The following MEMO1 variants were observed in gnomAD, a reference collection of about 807,000 sequenced individuals.
MEMO1 encodes the protein protein MEMO1.
MEMO1 carries 6 observed loss-of-function variants against 45.2 expected under a neutral mutation model. The ratio of observed to expected loss-of-function variants is 0.13; its 90% CI spans 0.07 to 0.26. The LOEUF (loss-of-function observed/expected upper bound fraction) is 0.26, where lower values mean the gene tolerates loss of function less well. Among genes scored for constraint, MEMO1 ranks in the 10% least tolerant of loss-of-function variants. The pLI, the probability that MEMO1 is intolerant of heterozygous loss-of-function variation, is 1.00. For synonymous variants in MEMO1, 78 were observed against 124.3 expected, an observed-to-expected ratio of 0.63 and a Z score of 2.48; for missense variants, 184 against 370.5, an observed-to-expected ratio of 0.50 and a Z score of 4.13.
At chr2:31,900,103 AT>A (rs1199333757) in intron 6 of MEMO1, among the ~76,000 whole-genome samples, 5 of 152,332 alleles carry the variant, frequency 3.3e-5, no homozygotes, top group Non-Finnish European at 5.9e-5. Context: ...TAGTTCAACC[AT>A]TGCGGAAGAC....
chr2:31,971,692 G>A (rs973220514), intron 2 of MEMO1, among the ~76,000 whole-genome samples: 21 of 152,112 alleles, frequency 1.4e-4, no homozygotes, highest in African/African-American at 4.8e-4. Flanking sequence ...AACTAAGGCC[G>A]GGCAAGGTGG....
At chr2:31,926,464 T>C (rs537375236) in intron 4 of MEMO1, among the ~76,000 whole-genome samples, 11 of 151,882 alleles carry the variant, frequency 7.2e-5, no homozygotes, top group African/African-American at 2.4e-4. Context: ...CAAGTGAAAA[T>C]TGGACTTTCA....
intron 4 of MEMO1, among the ~76,000 whole-genome samples, chr2:31,928,308 C>A (rs1334447711): frequency 6.6e-5 from 10 of 152,078 alleles, no homozygotes; most frequent in Non-Finnish European, 1.5e-5. Flanking sequence ...TTTGGGAGGC[C>A]AAGGCAGGCA....
At chr2:31,964,114 C>T (rs1400841446) in intron 2 of MEMO1, among the ~76,000 whole-genome samples, 2 of 152,032 alleles carry the variant, frequency 1.3e-5, no homozygotes, top group Admixed American at 6.6e-5. Context: ...GACAGGAATA[C>T]TCTAAATCAA....
intron 2 of MEMO1, among the ~76,000 whole-genome samples, chr2:31,981,196 G>C (rs1214463361): frequency 2.0e-5 from 3 of 152,342 alleles, no homozygotes; most frequent in East Asian, 1.9e-4. Flanking sequence ...GGGCCCCACA[G>C]ACAGTTCTTA....
chr2:31,948,271 C>A (rs552980819), intron 2 of MEMO1, among the ~76,000 whole-genome samples: 1 of 152,208 alleles, frequency 6.6e-6, no homozygotes, highest in East Asian at 1.9e-4. Context: ...CACAAGGGAG[C>A]CTTCTAGTGT....
chr2:31,915,843 A>G (rs775044963), intron 6 of MEMO1, among the ~76,000 whole-genome samples: 7 of 152,188 alleles, frequency 4.6e-5, no homozygotes, highest in Non-Finnish European at 1.0e-4. Flanking sequence ...CTGTGATTTT[A>G]AGTCACAGTT....
chr2:31,923,845 T>C, intron 4 of MEMO1: 1 of 1,255,872 alleles, frequency 8.0e-7, no homozygotes, highest in Non-Finnish European at 1.1e-6. Flanking sequence ...AGCCAAAAGA[T>C]ACACTGCTCC....
intron 7 of MEMO1, among the ~76,000 whole-genome samples, chr2:31,887,046 A>G (rs1386561937): frequency 6.6e-6 from 1 of 152,198 alleles, no homozygotes; most frequent in Non-Finnish European, 1.5e-5. Flanking sequence ...CTTTGAGGGA[A>G]GGAGGGTAGC....
rs183702469 is a variant in MEMO1 at position 32,002,268 on chromosome 2, C to T, written c.61+7919G>A. Among the ~76,000 whole-genome samples, 506 of 137,370 alleles carry T rather than the reference C, an allele frequency of 3.7e-3. 9 individuals are homozygous for T. The highest frequency in any genetic ancestry group is 0.013 in the African/African-American group (474 of 35,174). The allele number at this position is 137,370 out of a possible 152,430, so 90.1% of individuals were successfully genotyped here. A position where few individuals can be genotyped will look rare whatever the true frequency, so the allele number is the denominator to read the frequency against. ...ACATATATACGTGTATATATACATACACATATATACATGTACATATATACA... is the reference window on the plus strand; with the variant it reads ...ACATATATACGTGTATATATACATATACATATATACATGTACATATATACA... On this transcript the variant is annotated intron_variant, in intron 2 of 9. Coordinates refer to ENST00000404530, the MANE Select transcript of MEMO1 (RefSeq NM_001301833.4).
chr2:31,919,589 CAG>C (rs1681964875), intron 5 of MEMO1, among the ~76,000 whole-genome samples: 1 of 152,052 alleles, frequency 6.6e-6, no homozygotes, highest in South Asian at 2.1e-4. Context: ...GAGGCCAAGA[CAG>C]GAGAATTGCT....
At chr2:31,919,806 G>C (rs963290563) in intron 5 of MEMO1, among the ~76,000 whole-genome samples, 1 of 152,024 alleles carries the variant, frequency 6.6e-6, no homozygotes, top group African/African-American at 2.4e-5. Context: ...CTGGGCAACG[G>C]AGTGAGACCC....
At chr2:31,970,343 G>A (rs373216802) in intron 2 of MEMO1, among the ~76,000 whole-genome samples, 17 of 152,184 alleles carry the variant, frequency 1.1e-4, no homozygotes, top group Non-Finnish European at 1.9e-4. Flanking sequence ...ACAATTTTAC[G>A]TTTGCTACAG....
chr2:31,924,585 A>G (rs1168011116), intron 4 of MEMO1, among the ~76,000 whole-genome samples: 1 of 152,164 alleles, frequency 6.6e-6, no homozygotes, highest in Non-Finnish European at 1.5e-5. Flanking sequence ...TGTGCACCCA[A>G]TGTATAAGCT....
At chr2:31,938,132 G>T (rs888482188) in intron 3 of MEMO1, among the ~76,000 whole-genome samples, 3 of 152,222 alleles carry the variant, frequency 2.0e-5, no homozygotes, top group African/African-American at 7.2e-5. Context: ...ATGTCACACA[G>T]ATTAGAATTC....
chr2:32,009,431 T>A (rs1477439402), intron 2 of MEMO1, among the ~76,000 whole-genome samples: 1 of 138,178 alleles, frequency 7.2e-6, no homozygotes, highest in Admixed American at 7.4e-5. Context: ...AAGTGACAAA[T>A]CCCTGAAAGG....
At chr2:31,925,519 T>C (rs1682976100) in intron 4 of MEMO1, among the ~76,000 whole-genome samples, 1 of 146,578 alleles carries the variant, frequency 6.8e-6, no homozygotes, top group Non-Finnish European at 1.5e-5. Flanking sequence ...GGAGATACTT[T>C]CCCCAATACC....
At chr2:31,914,137 A>T (rs1681057972) in intron 6 of MEMO1, among the ~76,000 whole-genome samples, 1 of 152,224 alleles carries the variant, frequency 6.6e-6, no homozygotes, top group Non-Finnish European at 1.5e-5. Flanking sequence ...CCACGGCCCC[A>T]GAGAGGAAGC....
intron 2 of MEMO1, among the ~76,000 whole-genome samples, chr2:31,970,570 T>G (rs1669266599): frequency 6.6e-6 from 1 of 152,220 alleles, no homozygotes; most frequent in South Asian, 2.1e-4. Context: ...TCATCTTTTT[T>G]TTAACCAAAC....
Sources: allele counts gnomAD v4.1 joint callset (sites outside exome capture counted in the v4.1 genomes callset), GRCh38; gene constraint gnomAD v4.1.1; transcripts MANE v1.5; gene names NCBI Gene and HGNC (gene_info 2026-07-23, HGNC 2026-07-21).